Variants in RELCH observed in about 807,000 individuals in gnomAD.
RELCH encodes RAB11-binding protein RELCH.
RELCH carries 41 observed loss-of-function variants against 150.3 expected under a neutral mutation model. The observed-to-expected ratio is 0.27, with a 90% CI of 0.21 to 0.35. The LOEUF (loss-of-function observed/expected upper bound fraction) is 0.35, where lower values mean the gene tolerates loss of function less well. Among genes scored for constraint, RELCH ranks in the 10% least tolerant of loss-of-function variants. The pLI is 1.00. For synonymous variants in RELCH, 478 were observed against 531.8 expected, an observed-to-expected ratio of 0.90 and a Z score of 1.39; for missense variants, 1,092 against 1,467.8, an observed-to-expected ratio of 0.74 and a Z score of 4.18.
Position 62,211,142 on chromosome 18 carries a change from C to G in RELCH, c.527-11C>G. On this transcript the variant is annotated splice_polypyrimidine_tract_variant and intron_variant, in intron 1 of 28. Transcript: ENST00000644646. ...TAAATTAAAAAACTTTTATATTTCT[C>G]TTTATTATAGATCGAGCTGGGAGCA... 1 of 1,478,546 alleles carries G rather than the reference C, an allele frequency of 6.8e-7. No homozygotes were observed. The highest frequency in any genetic ancestry group is 1.8e-4 in the Middle Eastern group (1 of 5,572). The allele number at this position is 1,478,546 out of a possible 1,614,324, so 91.6% of individuals were successfully genotyped here.
chr18:62,203,902 C>T (rs2039612553), intron 1 of RELCH, among the ~76,000 whole-genome samples: 1 of 151,990 alleles, frequency 6.6e-6, no homozygotes, highest in Non-Finnish European at 1.5e-5. Context: ...TCACATGAGC[C>T]TAGGAGTTTT....
intron 11 of RELCH, among the ~76,000 whole-genome samples, chr18:62,247,805 G>C (rs1330018235): frequency 6.6e-6 from 1 of 152,108 alleles, no homozygotes; most frequent in Non-Finnish European, 1.5e-5. Context: ...CCTGGACTTT[G>C]CCAGGTGCTG....
chr18:62,200,384 C>G (rs1476047893), intron 1 of RELCH, among the ~76,000 whole-genome samples: 2 of 152,060 alleles, frequency 1.3e-5, no homozygotes, highest in Non-Finnish European at 2.9e-5. Context: ...AAGTACATAG[C>G]TTCAGTTCTC....
intron 16 of RELCH, among the ~76,000 whole-genome samples, chr18:62,263,479 A>T (rs945840962): frequency 6.6e-6 from 1 of 152,034 alleles, no homozygotes; most frequent in Non-Finnish European, 1.5e-5. Flanking sequence ...CATTTAGGTT[A>T]TAATGTATTT....
intron 27 of RELCH, among the ~76,000 whole-genome samples, chr18:62,292,727 T>G (rs933254965): frequency 1.3e-5 from 2 of 152,210 alleles, no homozygotes; most frequent in Admixed American, 1.3e-4. Context: ...ATAGTTAACA[T>G]AGAGTATGTC....
chr18:62,230,486 T>C (rs927672524), intron 8 of RELCH, among the ~76,000 whole-genome samples: 17 of 152,062 alleles, frequency 1.1e-4, no homozygotes, highest in African/African-American at 3.6e-4. Context: ...ATTATCTAAT[T>C]TTTGGTGTTA....
At chr18:62,212,115 G>T (rs190944065) in intron 2 of RELCH, among the ~76,000 whole-genome samples, 74 of 152,324 alleles carry the variant, frequency 4.9e-4, no homozygotes, top group African/African-American at 1.7e-3. Context: ...GGACTTCAGA[G>T]GATCAGTTTG....
At position 62,307,113 on chromosome 18, in the gene RELCH, A is replaced by G. The variant is rs1010667192; in HGVS notation, c.*1579A>G. On this transcript the variant is annotated 3_prime_UTR_variant, in exon 29 of 29. Coordinates refer to ENST00000644646, the MANE Select transcript of RELCH (RefSeq NM_001346231.2). The stretch of plus-strand genomic sequence containing the variant: ...TATTATAAATAAAATGTTTTTGCAT[A>G]TGTTTTTGATTTGGTTTGGGCTATG... 1 of 152,148 alleles carries G rather than the reference A, an allele frequency of 6.6e-6. No individual in the cohort carries two copies. The highest frequency in any genetic ancestry group is 1.5e-5 in the Non-Finnish European group (1 of 67,998). The allele number at this position is 152,148 out of a possible 1,614,324, so 9.4% of individuals were successfully genotyped here.
intron 15 of RELCH, among the ~76,000 whole-genome samples, chr18:62,258,939 A>G (rs1436431441): frequency 1.3e-5 from 2 of 152,172 alleles, no homozygotes; most frequent in Middle Eastern, 3.4e-3. Context: ...TACATTATTC[A>G]GAAAGCCAGC....
chr18:62,292,891 A>G (rs1025890363), intron 27 of RELCH, among the ~76,000 whole-genome samples: 3 of 152,232 alleles, frequency 2.0e-5, no homozygotes, highest in Admixed American at 6.5e-5. Flanking sequence ...TTAGCTCTCT[A>G]CTGTTGTTTC....
At chr18:62,188,950 T>A (rs1388633366) in intron 1 of RELCH, among the ~76,000 whole-genome samples, 3 of 152,224 alleles carry the variant, frequency 2.0e-5, no homozygotes, top group Non-Finnish European at 2.9e-5. Context: ...TAACAAGTAT[T>A]CATATAGAAT....
At chr18:62,280,543 G>A (rs972649581) in intron 23 of RELCH, 103 bp from the exon 24 acceptor site, 54 of 1,280,870 alleles carry the variant, frequency 4.2e-5, no homozygotes, top group Non-Finnish European at 6.0e-5. Context: ...CATTGCTAGA[G>A]ACTAATACAG....
intron 25 of RELCH, chr18:62,285,555 C>T (rs2044747361): frequency 6.6e-6 from 1 of 152,272 alleles, no homozygotes; most frequent in Admixed American, 6.6e-5. Context: ...AGGAGTTCAA[C>T]ACCAGCCTGA....
chr18:62,269,164 T>C (rs1228982095), intron 20 of RELCH, among the ~76,000 whole-genome samples: 2 of 152,154 alleles, frequency 1.3e-5, no homozygotes, highest in East Asian at 3.8e-4. Context: ...ATGAGCTTTT[T>C]GATATTTTGT....
intron 2 of RELCH, among the ~76,000 whole-genome samples, chr18:62,215,765 G>A (rs2040440006): frequency 6.6e-6 from 1 of 152,060 alleles, no homozygotes; most frequent in Admixed American, 6.6e-5. Flanking sequence ...TCACATAGAG[G>A]TTTTATTCCA....
chr18:62,197,200 G>C (rs2039108401), intron 1 of RELCH, among the ~76,000 whole-genome samples: 1 of 152,162 alleles, frequency 6.6e-6, no homozygotes, highest in Admixed American at 6.5e-5. Flanking sequence ...CACTGGGGTA[G>C]TTGCAAAAAT....
chr18:62,276,847 T>G (rs1200829065), intron 22 of RELCH, among the ~76,000 whole-genome samples: 1 of 152,106 alleles, frequency 6.6e-6, no homozygotes, highest in Non-Finnish European at 1.5e-5. Context: ...CCAAAGCCAC[T>G]ATTTGGTTTT....
chr18:62,266,884 T>C, intron 19 of RELCH, 135 bp downstream of exon 19: 1 of 575,154 alleles, frequency 1.7e-6, no homozygotes, highest in East Asian at 3.0e-5. Context: ...ATTATGGAGT[T>C]CTTGGTTTTA....
At chr18:62,221,681 C>T (rs892452755) in intron 5 of RELCH, among the ~76,000 whole-genome samples, 184 bp downstream of exon 5, 3 of 151,108 alleles carry the variant, frequency 2.0e-5, no homozygotes, top group Non-Finnish European at 3.0e-5. Flanking sequence ...TTATTCTTTC[C>T]CTGTTGCTTT....
Sources: gnomAD v4.1 joint callset for allele counts (sites outside exome capture counted in the v4.1 genomes callset) on GRCh38, gnomAD v4.1.1 for gene constraint, MANE v1.5 for transcripts, NCBI Gene and HGNC (gene_info 2026-07-23, HGNC 2026-07-21) for gene names.